NTM: variants seen among roughly 807,000 people sequenced by gnomAD.
NTM encodes IgLON family member 2.
Under a neutral mutation model 42.1 loss-of-function variants are expected in NTM, and 13 were observed. That is an observed-to-expected ratio of 0.31 (90% CI 0.20 to 0.49). NTM has a LOEUF of 0.49. Ranked by LOEUF, NTM falls within the 20% of genes least tolerant of loss-of-function variation. The pLI is 0.99. For missense variants in NTM, 373 were observed against 452.8 expected (o/e 0.82, Z 1.60); for synonymous variants, 187 against 179.2 (o/e 1.04, Z -0.35).
At chr11:132,326,898 AT>A (rs2095694857) in intron 7 of NTM, among the ~76,000 whole-genome samples, 1 of 152,220 alleles carries the variant, frequency 6.6e-6, no homozygotes, top group Non-Finnish European at 1.5e-5. Context: ...ACCAGGAAAG[AT>A]TTATATGAAT....
chr11:131,392,941 A>T (rs1282229900), intron 1 of NTM, among the ~76,000 whole-genome samples: 1 of 152,102 alleles, frequency 6.6e-6, no homozygotes, highest in Non-Finnish European at 1.5e-5. Flanking sequence ...TTTAATGTAG[A>T]GGTAAGTGAA....
At chr11:131,775,358 G>T (rs936172386) in intron 1 of NTM, among the ~76,000 whole-genome samples, 2 of 152,118 alleles carry the variant, frequency 1.3e-5, no homozygotes, top group African/African-American at 4.8e-5. Flanking sequence ...CGTTTTTGCT[G>T]TGCATATCAC....
chr11:131,882,673 G>A (rs2049728573), intron 1 of NTM, among the ~76,000 whole-genome samples: 1 of 151,488 alleles, frequency 6.6e-6, no homozygotes, highest in Non-Finnish European at 1.5e-5. Flanking sequence ...AGAAGTTGAG[G>A]GAAAATTCAA....
chr11:131,489,080 C>G (rs558383889), intron 1 of NTM, among the ~76,000 whole-genome samples: 1 of 152,282 alleles, frequency 6.6e-6, no homozygotes, highest in Non-Finnish European at 1.5e-5. Context: ...GCCAGAGATC[C>G]AGCAGGTGGA....
At chr11:132,170,000 G>A (rs1011772757) in intron 3 of NTM, among the ~76,000 whole-genome samples, 26 of 152,114 alleles carry the variant, frequency 1.7e-4, no homozygotes, top group African/African-American at 6.3e-4. Flanking sequence ...AATTTGATTC[G>A]CTCTTCACTC....
chr11:131,641,902 T>G (rs1306600970), intron 1 of NTM, among the ~76,000 whole-genome samples: 1 of 152,082 alleles, frequency 6.6e-6, no homozygotes, highest in Non-Finnish European at 1.5e-5. Flanking sequence ...AATTTTTGTA[T>G]TTTTAGTAGA....
At chr11:132,320,632 T>TAAAC (rs2095541759) in intron 7 of NTM, among the ~76,000 whole-genome samples, 1 of 152,010 alleles carries the variant, frequency 6.6e-6, no homozygotes, top group Non-Finnish European at 1.5e-5. Context: ...CTTGCTTAGG[T>TAAAC]AAACAAAGCA....
At chr11:131,777,456 G>A (rs550847755) in intron 1 of NTM, among the ~76,000 whole-genome samples, 6 of 106,082 alleles carry the variant, frequency 5.7e-5, no homozygotes, top group Admixed American at 1.5e-4. Flanking sequence ...CCCACCCCAT[G>A]CAATCCTAGT....
intron 1 of NTM, among the ~76,000 whole-genome samples, chr11:131,670,223 CTCCACCCTCA>C (rs1374484773): frequency 2.6e-5 from 4 of 152,134 alleles, no homozygotes; most frequent in Non-Finnish European, 5.9e-5. Flanking sequence ...CCAGTACCCA[CTCCACCCTCA>C]TCCCCTTTGG....
chr11:131,514,955 G>A (rs372769912), intron 1 of NTM, among the ~76,000 whole-genome samples: 1 of 152,036 alleles, frequency 6.6e-6, no homozygotes, highest in Non-Finnish European at 1.5e-5. Context: ...TGTCACTCAG[G>A]CTGGAGTGCA....
At chr11:132,072,361 C>T (rs1254835273) in intron 2 of NTM, among the ~76,000 whole-genome samples, 3 of 152,088 alleles carry the variant, frequency 2.0e-5, no homozygotes, top group East Asian at 3.9e-4. Flanking sequence ...GGGTAGATAC[C>T]AGAGGAAATG....
intron 4 of NTM, among the ~76,000 whole-genome samples, chr11:132,243,127 T>C (rs1249678394): frequency 6.6e-6 from 1 of 152,118 alleles, no homozygotes; most frequent in Non-Finnish European, 1.5e-5. Context: ...ACATATCACT[T>C]CCCTTCTCAA....
In NTM at chr11:131,802,874, A is replaced by G. The variant is rs148079941; in HGVS notation, c.83-108690A>G. ...TGAGCTTTATCCATTATGCTGTGCA[A>G]CAGCCTTTGCTGCTGTTGAGAATTG... On this transcript the variant is annotated intron_variant, in intron 1 of 8. Coordinates refer to ENST00000683400, the MANE Select transcript of NTM (RefSeq NM_001352005.2). Among the ~76,000 whole-genome samples the G allele has an allele frequency of 9.6e-4, 147 of 152,346 alleles. 1 individual carries two copies. Among genetic ancestry groups the G allele is most frequent in the African/African-American group, 3.3e-3 (138 of 41,564 alleles).
At chr11:131,775,834 T>C (rs1167059512) in intron 1 of NTM, among the ~76,000 whole-genome samples, 4 of 152,182 alleles carry the variant, frequency 2.6e-5, no homozygotes, top group East Asian at 1.9e-4. Context: ...CAAAACACAA[T>C]GGTAATGTGA....
intron 1 of NTM, among the ~76,000 whole-genome samples, chr11:131,746,802 A>G (rs1291833073): frequency 2.6e-5 from 4 of 152,066 alleles, no homozygotes; most frequent in Admixed American, 6.6e-5. Flanking sequence ...AGTCTAGTGT[A>G]CCCTCCGAAA....
intron 2 of NTM, among the ~76,000 whole-genome samples, chr11:132,083,768 A>C (rs1248040564): frequency 1.3e-5 from 2 of 152,244 alleles, no homozygotes; most frequent in East Asian, 1.9e-4. Context: ...TTGCAAAAGA[A>C]AATGGATTCT....
intron 2 of NTM, among the ~76,000 whole-genome samples, chr11:132,095,073 A>C (rs2060799718): frequency 6.6e-6 from 1 of 152,204 alleles, no homozygotes; most frequent in African/African-American, 2.4e-5. Context: ...AAGACAGCTC[A>C]AAACTGGAGT....
chr11:131,934,513 T>A (rs567833594), intron 2 of NTM, among the ~76,000 whole-genome samples: 70 of 152,336 alleles, frequency 4.6e-4, no homozygotes, highest in South Asian at 2.9e-3. Flanking sequence ...ATGTGATGTA[T>A]CATGGATTCT....
intron 1 of NTM, among the ~76,000 whole-genome samples, chr11:131,758,449 G>A (rs1436254851): frequency 6.6e-6 from 1 of 152,024 alleles, no homozygotes; most frequent in African/African-American, 2.4e-5. Flanking sequence ...GAGAGGAGAG[G>A]GAGTGAGAGA....
Sources: gnomAD v4.1 joint callset for allele counts (sites outside exome capture counted in the v4.1 genomes callset) on GRCh38, gnomAD v4.1.1 for gene constraint, MANE v1.5 for transcripts, NCBI Gene and HGNC (gene_info 2026-07-23, HGNC 2026-07-21) for gene names.